Variants in PRKN observed in about 807,000 individuals in gnomAD.
PRKN encodes the protein E3 ubiquitin-protein ligase parkin.
In PRKN, 56 loss-of-function variants were observed where a neutral mutation model predicts 59.5. The ratio of observed to expected loss-of-function variants is 0.94; its 90% CI spans 0.76 to 1.18. PRKN has a LOEUF of 1.18. PRKN is among the 50% of genes most tolerant of loss of function. The pLI, the probability that PRKN is intolerant of heterozygous loss-of-function variation, is 0.00. For synonymous variants in PRKN, 250 were observed against 222.1 expected (o/e 1.13, Z -1.12); for missense variants, 657 against 596.4 (o/e 1.10, Z -1.06).
intron 1 of PRKN, among the ~76,000 whole-genome samples, chr6:162,694,236 C>CAAAAAAAAAAAAA (rs149337714): frequency 1.1e-5 from 1 of 93,506 alleles, no homozygotes; most frequent in Non-Finnish European, 2.0e-5. Flanking sequence ...AACAGTGAGA[C>CAAAAAAAAAAAAA]AAAAAAAAAA....
intron 4 of PRKN, among the ~76,000 whole-genome samples, chr6:162,118,287 C>A (rs1295400801): frequency 4.6e-5 from 7 of 151,856 alleles, no homozygotes; most frequent in Admixed American, 4.6e-4. Flanking sequence ...CGCCAGTTGT[C>A]CCAGCTACTT....
At chr6:162,192,441 GAT>G (rs1562570636) in intron 4 of PRKN, among the ~76,000 whole-genome samples, 2 of 106,770 alleles carry the variant, frequency 1.9e-5, no homozygotes, top group African/African-American at 6.9e-5. Flanking sequence ...AAATTATAGG[GAT>G]TTTTTTTTTT....
At chr6:161,775,894 G>A (rs897722971) in intron 7 of PRKN, among the ~76,000 whole-genome samples, 1 of 152,148 alleles carries the variant, frequency 6.6e-6, no homozygotes, top group Non-Finnish European at 1.5e-5. Context: ...TAGTTGGTGA[G>A]CTGAGATAAT....
intron 9 of PRKN, among the ~76,000 whole-genome samples, chr6:161,411,385 C>T (rs932410232): frequency 6.6e-5 from 10 of 152,166 alleles, no homozygotes; most frequent in African/African-American, 2.2e-4. Context: ...TGCCTTTGCT[C>T]CCTCATTGGC....
At position 161,348,831 on chromosome 6, in the gene PRKN, G is replaced by C. The variant is rs534857414; in HGVS notation, c.*1268C>G. 3 of 209,948 alleles carry C rather than the reference G, an allele frequency of 1.4e-5. No homozygotes were observed. Among genetic ancestry groups the C allele is most frequent in the African/African-American group, 6.8e-5 (3 of 44,148 alleles). The allele number at this position is 209,948 out of a possible 1,614,324, so 13.0% of individuals were successfully genotyped here. On this transcript the variant is annotated 3_prime_UTR_variant, in exon 12 of 12. Transcript: ENST00000366898. This position sits in a 1 kb window ranked among gnomAD's most constrained non-coding sequence, Gnocchi z 4.9. ...TTTCTCTTCTGCGTAGTGTGGGTAA[G>C]AGCATGCGGTTTGCCGCATGCAGTG... is the stretch of plus-strand genomic sequence containing the variant.
chr6:161,903,458 G>A (rs538242052), intron 6 of PRKN, among the ~76,000 whole-genome samples: 19 of 152,332 alleles, frequency 1.2e-4, no homozygotes, highest in African/African-American at 4.3e-4. Context: ...GCAAAGAAAA[G>A]AGGGTGGGAC....
At position 162,012,082 on chromosome 6, in the gene PRKN, A is replaced by C. The variant is rs550584130; in HGVS notation, c.619-38665T>G. ...ATACAGGGTCTTCAACAACTCTACC[A>C]TGTGGGTACTTTCCTTTGATCACGT... On this transcript the variant is annotated intron_variant, in intron 5 of 11. Coordinates refer to ENST00000366898, the MANE Select transcript of PRKN (RefSeq NM_004562.3). 1.6e-3 allele frequency among the ~76,000 whole-genome samples: 242 copies of C among 152,260 alleles called. 2 individuals are homozygous for C. Among genetic ancestry groups the C allele is most frequent in the African/African-American group, 5.7e-3 (239 of 41,576 alleles).
intron 1 of PRKN, among the ~76,000 whole-genome samples, chr6:162,629,198 T>C (rs1242850256): frequency 6.6e-6 from 1 of 152,176 alleles, no homozygotes; most frequent in Non-Finnish European, 1.5e-5. Flanking sequence ...TTACAAATTA[T>C]ATTTTAGTTA....
At chr6:161,933,593 AC>A (rs1779246736) in intron 6 of PRKN, among the ~76,000 whole-genome samples, 2 of 151,902 alleles carry the variant, frequency 1.3e-5, no homozygotes. Context: ...ATTTCAGGGA[AC>A]CCCAGAAGTC....
intron 1 of PRKN, among the ~76,000 whole-genome samples, chr6:162,537,405 G>A (rs550288563): frequency 2.0e-5 from 3 of 152,056 alleles, no homozygotes; most frequent in South Asian, 2.1e-4. Context: ...AGGGGTTTCC[G>A]CATCACCTAT....
At chr6:162,320,362 C>CAAAAAAAAAAAAAAAAAAAAAAAA (rs55793911) in intron 2 of PRKN, among the ~76,000 whole-genome samples, 1 of 7,286 alleles carries the variant, frequency 1.4e-4, no homozygotes, top group African/African-American at 5.8e-4. Flanking sequence ...TACAAAAAGC[C>CAAAAAAAAAAAAAAAAAAAAAAAA]AAAAAAAAAA....
intron 5 of PRKN, among the ~76,000 whole-genome samples, chr6:162,033,598 T>C (rs1057329900): frequency 6.6e-6 from 1 of 152,212 alleles, no homozygotes; most frequent in Non-Finnish European, 1.5e-5. Flanking sequence ...TCAATATCTC[T>C]TTAAAGAGGT....
At chr6:162,583,957 T>G (rs1432754693) in intron 1 of PRKN, among the ~76,000 whole-genome samples, 1 of 152,174 alleles carries the variant, frequency 6.6e-6, no homozygotes, top group African/African-American at 2.4e-5. Context: ...CTCACGCCTG[T>G]AATCCCAGCA....
At chr6:162,231,821 A>C (rs1165351183) in intron 3 of PRKN, among the ~76,000 whole-genome samples, 1 of 152,176 alleles carries the variant, frequency 6.6e-6, no homozygotes, top group Non-Finnish European at 1.5e-5. Flanking sequence ...CAGAGAGAGA[A>C]AAATATATAT....
At chr6:162,622,340 C>T (rs1782710256) in intron 1 of PRKN, among the ~76,000 whole-genome samples, 2 of 148,928 alleles carry the variant, frequency 1.3e-5, no homozygotes, top group African/African-American at 2.5e-5. Context: ...TCGCTCTGCT[C>T]CCCAGGCGAA....
In PRKN at chr6:162,269,412, G is replaced by A. The variant is rs1780276803; in HGVS notation, c.172-6647C>T. ...TTAGTAACTTACCCAAGTCAAGTCT[G>A]ATGCATAATTGGGAAATGAAAGAGC... is the stretch of plus-strand genomic sequence containing the variant. On this transcript the variant is annotated intron_variant, in intron 2 of 11. Transcript: ENST00000366898. Among the ~76,000 whole-genome samples, 6 of 152,166 alleles carry A rather than the reference G, an allele frequency of 3.9e-5. No individual in the cohort carries two copies. In the South Asian group the frequency reaches 1.2e-3, roughly 31 times the overall value.
At chr6:161,764,647 G>A (rs768148204) in intron 7 of PRKN, among the ~76,000 whole-genome samples, 2 of 152,124 alleles carry the variant, frequency 1.3e-5, no homozygotes, top group Non-Finnish European at 2.9e-5. Flanking sequence ...ATAAAAACAG[G>A]AAACTTATTA....
chr6:162,475,669 G>A (rs1000415886), intron 1 of PRKN, among the ~76,000 whole-genome samples: 4 of 152,052 alleles, frequency 2.6e-5, no homozygotes, highest in African/African-American at 7.2e-5. Context: ...GTGCAATGCG[G>A]CTAGCTGCGT....
intron 7 of PRKN, among the ~76,000 whole-genome samples, chr6:161,711,728 A>G (rs551898834): frequency 6.6e-6 from 1 of 152,338 alleles, no homozygotes; most frequent in South Asian, 2.1e-4. Context: ...CTGCCAGCAC[A>G]GCTAGAATAA....
Sources: allele counts gnomAD v4.1 joint callset (sites outside exome capture counted in the v4.1 genomes callset), GRCh38; gene constraint gnomAD v4.1.1; non-coding constraint Gnocchi (gnomAD v3.1); transcripts MANE v1.5; gene names NCBI Gene and HGNC (gene_info 2026-07-23, HGNC 2026-07-21).